Variants in PDE4D observed in about 807,000 individuals in gnomAD.
The protein encoded by PDE4D is phosphodiesterase 4D, also known as 3',5'-cyclic-AMP phosphodiesterase 4D.
Under a neutral mutation model 87.4 loss-of-function variants are expected in PDE4D, and 24 were observed. The ratio of observed to expected loss-of-function variants is 0.27; its 90% confidence interval spans 0.20 to 0.39. PDE4D has a LOEUF of 0.39. Ranked by LOEUF, PDE4D falls within the 10% of genes least tolerant of loss-of-function variation. The pLI is 1.00. For synonymous variants in PDE4D, 384 were observed against 383.2 expected (o/e 1.00, Z -0.02); for missense variants, 714 against 1,041.0 (o/e 0.69, Z 4.32).
chr5:59,889,523 A>AAC (rs1750652917), intron 1 of PDE4D, among the ~76,000 whole-genome samples: 2 of 152,164 alleles, frequency 1.3e-5, no homozygotes, highest in Non-Finnish European at 2.9e-5. Flanking sequence ...AAATGAATCA[A>AAC]ACAAAGTATC....
chr5:59,540,024 T>A (rs1053606741), intron 1 of PDE4D, among the ~76,000 whole-genome samples: 1 of 152,100 alleles, frequency 6.6e-6, no homozygotes, highest in Non-Finnish European at 1.5e-5. Flanking sequence ...AAAATGCAGG[T>A]TGCTGGACTG....
At chr5:59,326,270 TA>T (rs1320505889) in intron 1 of PDE4D, among the ~76,000 whole-genome samples, 9 of 151,530 alleles carry the variant, frequency 5.9e-5, no homozygotes, top group Admixed American at 3.3e-4. Context: ...AGTATAATAA[TA>T]AAAAAAAGAA....
intron 2 of PDE4D, among the ~76,000 whole-genome samples, chr5:60,094,913 C>T (rs1775513036): frequency 6.6e-6 from 1 of 152,044 alleles, no homozygotes; most frequent in Non-Finnish European, 1.5e-5. Flanking sequence ...TGAATGATCA[C>T]TCTTTATTTG....
At chr5:59,084,779 TAATAA>T (rs1208641423) in intron 5 of PDE4D, among the ~76,000 whole-genome samples, 1 of 151,800 alleles carries the variant, frequency 6.6e-6, no homozygotes, top group East Asian at 1.9e-4. Context: ...CACGAATAAA[TAATAA>T]AATAATAAAA....
chr5:59,233,321 G>A (rs1755655145), intron 1 of PDE4D, among the ~76,000 whole-genome samples: 1 of 152,024 alleles, frequency 6.6e-6, no homozygotes, highest in South Asian at 2.1e-4. Flanking sequence ...TTAAAATTCT[G>A]TTAAAAAACA....
At chr5:60,016,164 C>G (rs1040877267) in intron 2 of PDE4D, among the ~76,000 whole-genome samples, 2 of 151,824 alleles carry the variant, frequency 1.3e-5, no homozygotes, top group African/African-American at 2.4e-5. Flanking sequence ...AATACAGTAA[C>G]TCACATGAAT....
intron 3 of PDE4D, among the ~76,000 whole-genome samples, chr5:59,939,500 AT>A (rs1452905675): frequency 3.3e-5 from 5 of 152,136 alleles, no homozygotes; most frequent in African/African-American, 1.2e-4. Context: ...ATAAATACAA[AT>A]TTTAAACCAA....
rs370027990 is a variant in PDE4D, at chr5:59,514,825, A to G, written c.456-298857T>C. Among the ~76,000 whole-genome samples the G allele has an allele frequency of 2.0e-4, 31 of 152,316 alleles. No homozygotes were observed. In the South Asian group the frequency reaches 4.6e-3, roughly 22 times the overall value. ...TAGTATAAAAGTGAGTTCCATGTAA[A>G]GAGCTTAGAATAAGAGGGTATACAC... On this transcript the variant is annotated intron_variant, in intron 1 of 14. Coordinates refer to ENST00000340635, the MANE Select transcript of PDE4D (RefSeq NM_001104631.2).
chr5:59,729,015 C>T (rs1328329630), intron 1 of PDE4D, among the ~76,000 whole-genome samples: 1 of 152,096 alleles, frequency 6.6e-6, no homozygotes, highest in Non-Finnish European at 1.5e-5. Flanking sequence ...CCTATCCCTA[C>T]ACAACCCAAG....
intron 1 of PDE4D, among the ~76,000 whole-genome samples, chr5:59,706,640 A>T (rs1364182147): frequency 1.3e-5 from 2 of 152,174 alleles, no homozygotes; most frequent in Non-Finnish European, 2.9e-5. Flanking sequence ...ATGATGCTTC[A>T]TGGTTTAGAG....
chr5:60,492,808 G>C (rs947654115), upstream of PDE4D, among the ~76,000 whole-genome samples: 2 of 151,616 alleles, frequency 1.3e-5, 1 homozygote, highest in African/African-American at 4.9e-5. Flanking sequence ...GAGTTGATGG[G>C]TGCAGCAAAC....
At chr5:59,215,460 T>G (rs1581423276) in intron 2 of PDE4D, 1 of 310,554 alleles carries the variant, frequency 3.2e-6, no homozygotes, top group African/African-American at 2.2e-5. Flanking sequence ...AGGCTCTACA[T>G]AAATATAAGC....
intron 1 of PDE4D, among the ~76,000 whole-genome samples, chr5:60,467,127 C>A (rs983547632): frequency 6.6e-6 from 1 of 152,024 alleles, no homozygotes; most frequent in Admixed American, 6.6e-5. Context: ...GCAACCTCCA[C>A]CTCCTGGGTT....
chr5:60,223,199 A>G (rs962891088), intron 1 of PDE4D, among the ~76,000 whole-genome samples: 1 of 152,138 alleles, frequency 6.6e-6, no homozygotes, highest in Non-Finnish European at 1.5e-5. Context: ...AAATCAACAT[A>G]TAACAAATGA....
At chr5:60,022,642 C>T (rs1177055236) in intron 2 of PDE4D, 2 of 152,242 alleles carry the variant, frequency 1.3e-5, no homozygotes, top group Non-Finnish European at 2.9e-5. Context: ...AGCCTGCGCT[C>T]CCAGGCTCCA....
At chr5:60,389,909 T>C (rs750002682) in intron 1 of PDE4D, among the ~76,000 whole-genome samples, 20 of 152,152 alleles carry the variant, frequency 1.3e-4, no homozygotes, top group Non-Finnish European at 2.6e-4. Context: ...TGTCAAAGGA[T>C]TTTGAGGCCA....
chr5:59,219,057 G>C (rs542699156), intron 1 of PDE4D, among the ~76,000 whole-genome samples: 2 of 104,638 alleles, frequency 1.9e-5, no homozygotes, highest in African/African-American at 3.7e-5. Context: ...GGTGGGGGGA[G>C]GGGGGAGGGA....
chr5:59,584,866 A>G (rs1324486026), intron 1 of PDE4D, among the ~76,000 whole-genome samples: 4 of 152,208 alleles, frequency 2.6e-5, no homozygotes, highest in Non-Finnish European at 5.9e-5. Context: ...GCATAGAAGA[A>G]AAATAATTGA....
rs145350307 is a variant in PDE4D, at chr5:60,482,511, A to G, written c.-90+5431T>C. On this transcript the variant is annotated intron_variant, in intron 1 of 16. Coordinates refer to the PDE4D transcript ENST00000502484. ...GCCAATAGAAGGTGAGCAGACTTCTATGAGTTTTCTCCTTTGCCAAAGCAC... is the reference window on the plus strand; with the variant it reads ...GCCAATAGAAGGTGAGCAGACTTCTGTGAGTTTTCTCCTTTGCCAAAGCAC... 1.2e-3 allele frequency among the ~76,000 whole-genome samples: 187 copies of G among 152,290 alleles called. 1 individual carries two copies. The highest frequency in any genetic ancestry group is 4.4e-3 in the African/African-American group (184 of 41,564).
Sources: allele counts gnomAD v4.1 joint callset (sites outside exome capture counted in the v4.1 genomes callset), GRCh38; gene constraint gnomAD v4.1.1; transcripts MANE v1.5; gene names NCBI Gene and HGNC (gene_info 2026-07-23, HGNC 2026-07-21).